The following ZNF563 variants were observed in gnomAD, a reference collection of about 807,000 sequenced individuals.
The protein encoded by ZNF563 is zinc finger protein 563.
Under a neutral mutation model 48.5 loss-of-function variants are expected in ZNF563, and 39 were observed. That is an observed-to-expected ratio of 0.80 (90% CI 0.62 to 1.05). The LOEUF (loss-of-function observed/expected upper bound fraction) is 1.05, where lower values mean the gene tolerates loss of function less well. Among genes scored for constraint, ZNF563 ranks in the 50% least tolerant of loss-of-function variants. The probability of loss-of-function intolerance (pLI) is 0.00; values close to 1 mark genes in which losing one functional copy is unlikely to be tolerated. For missense variants in ZNF563, 538 were observed against 597.0 expected (o/e 0.90, Z 1.03); for synonymous variants, 168 against 187.9 (o/e 0.89, Z 0.87).
rs764330741 is a variant in ZNF563, at chr19:12,319,263, T to C, written c.762A>G (p.Glu254=). The C allele has an allele frequency of 2.5e-6, 4 of 1,614,052 alleles. No individual in the cohort carries two copies. Among genetic ancestry groups the C allele is most frequent in the Non-Finnish European group, 3.4e-6 (4 of 1,179,960 alleles). ...GCAAGGCTTTAGAACACTGCTTACA[T>C]TCATACGGTTTCTCCCCAGTGTGCA... The part of the protein sequence containing the change: ...ERMHTGEKPY[E]CKQCSKALPD... Residue 254 remains glutamate, a synonymous_variant, in exon 4 of 4, where the codon GAA becomes GAG. Transcript: ENST00000293725.
At position 12,333,475 on chromosome 19, in the gene ZNF563, C is replaced by A. The variant is rs1171828918; in HGVS notation, c.3+5G>T. 1 of 1,613,266 alleles carries A rather than the reference C, an allele frequency of 6.2e-7. No individual in the cohort carries two copies. The highest frequency in any genetic ancestry group is 2.2e-5 in the East Asian group (1 of 44,816). On this transcript the variant is annotated splice_donor_5th_base_variant and intron_variant, in intron 1 of 3. Transcript: ENST00000293725. ...CTTTTGGGACGCCTGACCCTGCACA[C>A]GCACCATTTCCCGGCTTCCGGGATG...
the ZNF563 span, among the ~76,000 whole-genome samples, chr19:12,345,412 C>T: frequency 6.6e-6 from 1 of 152,040 alleles, no homozygotes; most frequent in African/African-American, 2.4e-5. Flanking sequence ...GAGTAGACAG[C>T]CTAGAAATAA....
chr19:12,328,530 T>C (rs1238430258), intron 1 of ZNF563, among the ~76,000 whole-genome samples: 1 of 152,096 alleles, frequency 6.6e-6, no homozygotes, highest in Non-Finnish European at 1.5e-5. Context: ...CCCAGCACTT[T>C]GGGAGGCCAA....
intron 1 of ZNF563, among the ~76,000 whole-genome samples, chr19:12,325,471 A>G (rs1271056838): frequency 1.4e-5 from 2 of 140,346 alleles, no homozygotes; most frequent in South Asian, 4.6e-4. Context: ...CTCCATCTCA[A>G]AAAAAAAAAA....
chr19:12,319,106 T>C lies in ZNF563; in HGVS notation c.919A>G (p.Lys307Glu), dbSNP rs748580398. 19 of 1,614,212 alleles carry C rather than the reference T, an allele frequency of 1.2e-5. No homozygotes were observed. In the South Asian group the frequency reaches 2.1e-4, roughly 18 times the overall value. Residue 307 changes from lysine (K) to glutamate (E), a missense_variant, in exon 4 of 4, where the codon AAA (lysine) becomes GAA (glutamate). Coordinates refer to ENST00000293725, the MANE Select transcript of ZNF563 (RefSeq NM_145276.3). ...RRHETTHSAE[K>E]PYECKQCGKT... is the part of the protein sequence containing the mutation. ...CCGCATTGCTTACACTCATAGGGTT[T>C]CTCTGCACTGTGAGTGGTTTCATGT...
At chr19:12,347,146 T>C in the ZNF563 span, 5 of 152,198 alleles carry the variant, frequency 3.3e-5, no homozygotes, top group Non-Finnish European at 2.9e-5. Flanking sequence ...CTATTTGAGA[T>C]ATATTTCACT....
chr19:12,335,731 T>C (rs1969013280), upstream of ZNF563, among the ~76,000 whole-genome samples: 2 of 152,182 alleles, frequency 1.3e-5, no homozygotes, highest in Non-Finnish European at 2.9e-5. Context: ...AAGAACAATC[T>C]AGACACACAG....
intron 1 of ZNF563, among the ~76,000 whole-genome samples, chr19:12,332,488 T>C (rs1391972138): frequency 6.6e-6 from 1 of 151,970 alleles, no homozygotes; most frequent in Non-Finnish European, 1.5e-5. Flanking sequence ...GTAGCTGAGA[T>C]TACAGGCATG....
rs73507943 is a variant in ZNF563 at position 12,326,294 on chromosome 19, C to A, written c.4-3583G>T. Among the ~76,000 whole-genome samples the A allele has an allele frequency of 3.0e-3, 459 of 152,124 alleles. 1 individual carries two copies. Among genetic ancestry groups the A allele is most frequent in the African/African-American group, 0.011 (437 of 41,518 alleles). On this transcript the variant is annotated intron_variant, in intron 1 of 3. Transcript: ENST00000293725. ...ATAGAACTAATGCAGCTGCAAAGTA[C>A]AACAATCAAAAGGAAGACTTCACTA...
the ZNF563 span, among the ~76,000 whole-genome samples, chr19:12,344,858 A>G: frequency 6.6e-6 from 1 of 152,346 alleles, no homozygotes; most frequent in East Asian, 1.9e-4. Flanking sequence ...TACAGCTTAT[A>G]AAACAAATGC....
chr19:12,346,300 G>C, the ZNF563 span: 16 of 151,820 alleles, frequency 1.1e-4, no homozygotes, highest in Non-Finnish European at 1.9e-4. Context: ...AAAACAAACT[G>C]GTTCAAAAAA....
the ZNF563 span, among the ~76,000 whole-genome samples, chr19:12,339,273 C>CTTTT: frequency 1.5e-3 from 128 of 86,470 alleles, no homozygotes; most frequent in East Asian, 1.9e-3. Context: ...CAGTTGATTT[C>CTTTT]TTTTTTTTTT....
At chr19:12,333,054 A>G (rs2145821330) in intron 1 of ZNF563, among the ~76,000 whole-genome samples, 1 of 152,282 alleles carries the variant, frequency 6.6e-6, no homozygotes, top group South Asian at 2.1e-4. Flanking sequence ...TGCCTTCCCA[A>G]ACCTTTGAAG....
intron 1 of ZNF563, among the ~76,000 whole-genome samples, chr19:12,328,893 A>G (rs1968859147): frequency 6.6e-6 from 1 of 152,160 alleles, no homozygotes; most frequent in African/African-American, 2.4e-5. Flanking sequence ...TTAAGCCACA[A>G]ATTTCTCAAG....
the ZNF563 span, among the ~76,000 whole-genome samples, chr19:12,339,287 T>C: frequency 2.8e-5 from 4 of 145,286 alleles, no homozygotes; most frequent in African/African-American, 1.0e-4. Flanking sequence ...TTTTTTTTTT[T>C]TTTTTTTTTT....
chr19:12,333,430 T>C, intron 1 of ZNF563, 50 bp downstream of exon 1: 1 of 1,611,164 alleles, frequency 6.2e-7, no homozygotes, highest in South Asian at 1.1e-5. Context: ...TTCTGGACGG[T>C]TCCAACCAGC....
At chr19:12,342,013 T>A in the ZNF563 span, among the ~76,000 whole-genome samples, 1 of 152,114 alleles carries the variant, frequency 6.6e-6, no homozygotes, top group East Asian at 1.9e-4. Context: ...GATAATAAGA[T>A]GTATCTTTTT....
upstream of ZNF563, among the ~76,000 whole-genome samples, chr19:12,336,596 A>G (rs561226923): frequency 1.3e-5 from 2 of 152,366 alleles, no homozygotes; most frequent in African/African-American, 4.8e-5. Flanking sequence ...CGTCTCAAAA[A>G]CAAACAAGCA....
At chr19:12,342,139 G>A in the ZNF563 span, among the ~76,000 whole-genome samples, 1 of 152,012 alleles carries the variant, frequency 6.6e-6, no homozygotes, top group African/African-American at 2.4e-5. Flanking sequence ...AGCCTCCTAA[G>A]TATTTGGGAC....
Sources: allele counts gnomAD v4.1 joint callset (sites outside exome capture counted in the v4.1 genomes callset), GRCh38; gene constraint gnomAD v4.1.1; transcripts MANE v1.5; gene names NCBI Gene and HGNC (gene_info 2026-07-23, HGNC 2026-07-21).